Variants in OBP2B observed in about 807,000 individuals in gnomAD.
OBP2B encodes the protein odorant-binding protein 2b.
Under a neutral mutation model 21.7 loss-of-function variants are expected in OBP2B, and 10 were observed. The ratio of observed to expected loss-of-function variants is 0.46; its 90% CI spans 0.28 to 0.78. The LOEUF is 0.78. OBP2B is among the 30% of genes least tolerant of loss of function. The probability of loss-of-function intolerance (pLI) is 0.11; values close to 1 mark genes in which losing one functional copy is unlikely to be tolerated. For missense variants in OBP2B, 153 were observed against 217.7 expected (o/e 0.70, Z 1.87); for synonymous variants, 73 against 91.5 (o/e 0.80, Z 1.16).
chr9:133,206,046 G>A (rs1477091790), intron 5 of OBP2B, 106 bp from the exon 6 acceptor site: 2 of 1,509,950 alleles, frequency 1.3e-6, no homozygotes, highest in African/African-American at 2.7e-5. Context: ...GCAGCCCAGA[G>A]CGCGGAGCCC....
At chr9:133,208,373 C>G (rs1833812847) in intron 2 of OBP2B, 96 bp downstream of exon 2, 1 of 1,600,734 alleles carries the variant, frequency 6.2e-7, no homozygotes, top group Non-Finnish European at 8.5e-7. Flanking sequence ...GTGACTCTTC[C>G]CAACACCCGA....
At position 133,206,800 on chromosome 9, in the gene OBP2B, A is replaced by C. The variant is rs186978597; in HGVS notation, c.389-384T>G. On this transcript the variant is annotated intron_variant, in intron 4 of 6. Transcript: ENST00000372034. Reference sequence around the variant, plus strand: ...GACAGTGGCGGGGACTCTCCAAGCCACTCGGCAACCCCAGGGGACCTGGGC... The same window carrying C: ...GACAGTGGCGGGGACTCTCCAAGCCCCTCGGCAACCCCAGGGGACCTGGGC... 8.8e-3 allele frequency among the ~76,000 whole-genome samples: 1,335 copies of C among 151,892 alleles called. 14 individuals carry two copies. The highest frequency in any genetic ancestry group is 0.026 in the African/African-American group (1,060 of 41,412).
chr9:133,218,448 C>G, the OBP2B span, among the ~76,000 whole-genome samples: 4,939 of 152,258 alleles, frequency 0.032, 153 homozygotes, highest in African/African-American at 0.075. Flanking sequence ...CTGCATTGAG[C>G]ACAGATTTGG....
chr9:133,221,366 G>A, the OBP2B span, among the ~76,000 whole-genome samples: 2 of 152,292 alleles, frequency 1.3e-5, no homozygotes, highest in Non-Finnish European at 2.9e-5. Context: ...GTCTACAGGC[G>A]CGTGTGCAGA....
chr9:133,206,048 G>T (rs1193619140), intron 5 of OBP2B, 108 bp from the exon 6 acceptor site: 1 of 1,485,310 alleles, frequency 6.7e-7, no homozygotes, highest in African/African-American at 1.4e-5. Flanking sequence ...AGCCCAGAGC[G>T]CGGAGCCCCA....
intron 3 of OBP2B, chr9:133,207,907 G>A (rs1470627865): frequency 2.0e-6 from 3 of 1,532,558 alleles, no homozygotes; most frequent in Admixed American, 3.9e-5. Flanking sequence ...GCCTCCCAGA[G>A]GGCAGGCGTG....
Position 133,206,673 on chromosome 9 carries a change from G to A in OBP2B, c.389-257C>T, listed in dbSNP as rs202035803. The stretch of plus-strand genomic sequence containing the variant: ...GAAGAGATGGCCATAGCCCAGCACC[G>A]GACAAGCAGGAGAGGAGACTTGAGA... On this transcript the variant is annotated intron_variant, in intron 4 of 6. Coordinates refer to ENST00000372034, the MANE Select transcript of OBP2B (RefSeq NM_014581.4). Among the ~76,000 whole-genome samples the A allele has an allele frequency of 2.6e-3, 389 of 149,832 alleles. 3 individuals are homozygous for A. Among genetic ancestry groups the A allele is most frequent in the East Asian group, 0.012 (63 of 5,054 alleles).
chr9:133,209,398 C>G, upstream of OBP2B: 1 of 793,360 alleles, frequency 1.3e-6, no homozygotes, highest in East Asian at 2.7e-5. This position sits in a 1 kb window ranked among gnomAD's most constrained non-coding sequence, Gnocchi z 6.0. Context: ...TGGTGAACAG[C>G]AAGTCAGTGC....
At chr9:133,207,877 T>A (rs1833790182) in intron 3 of OBP2B, 6 of 1,524,394 alleles carry the variant, frequency 3.9e-6, no homozygotes, top group Non-Finnish European at 4.4e-6. Flanking sequence ...CTCAGCTTCC[T>A]CAATGTGTCA....
chr9:133,213,100 C>A (rs1364812724), upstream of OBP2B, among the ~76,000 whole-genome samples: 1 of 151,858 alleles, frequency 6.6e-6, no homozygotes, highest in Non-Finnish European at 1.5e-5. Flanking sequence ...AATTGCTGGG[C>A]ATGGTGGCGT....
the OBP2B span, among the ~76,000 whole-genome samples, chr9:133,216,286 TAG>T: frequency 6.6e-6 from 1 of 150,762 alleles, no homozygotes; most frequent in Non-Finnish European, 1.5e-5. Flanking sequence ...GACACTTGAC[TAG>T]AGAGGATATA....
chr9:133,205,610 G>T, intron 6 of OBP2B, 199 bp from the exon 7 acceptor site: 1 of 605,436 alleles, frequency 1.7e-6, no homozygotes. Flanking sequence ...GGAGTGGACC[G>T]CGTGGGGACA....
At position 133,209,002 on chromosome 9, in the gene OBP2B, C is replaced by T; in HGVS notation, c.72+126G>A. On this transcript the variant is annotated intron_variant, in intron 1 of 6. Coordinates refer to ENST00000372034, the MANE Select transcript of OBP2B (RefSeq NM_014581.4). This position sits in a 1 kb window ranked among gnomAD's most constrained non-coding sequence, Gnocchi z 6.0. ...AACAATAGGACCCCTCCACCACCAC[C>T]CCAGGCTGGGAGCACGGGGTCAGAA... 1 of 941,868 alleles carries T rather than the reference C, an allele frequency of 1.1e-6. No individual in the cohort carries two copies. The highest frequency in any genetic ancestry group is 2.8e-5 in the Admixed American group (1 of 36,072). The allele number at this position is 941,868 out of a possible 1,614,324, so 58.3% of individuals were successfully genotyped here.
In OBP2B at chr9:133,208,279, C is replaced by G. The variant is rs554878022; in HGVS notation, c.207-76G>C. 987 of 1,605,618 alleles carry G rather than the reference C, an allele frequency of 6.1e-4. 1 individual carries two copies. In the African/African-American group the frequency reaches 0.012, roughly 19 times the overall value. On this transcript the variant is annotated intron_variant, in intron 2 of 6. Transcript: ENST00000372034. ...ATCCTCAGCTCACCTGGTGCATGGC[C>G]CTGACCCGGCAACCTGAAAATTCCA... is the stretch of plus-strand genomic sequence containing the variant.
upstream of OBP2B, among the ~76,000 whole-genome samples, chr9:133,212,427 A>T (rs1833925128): frequency 6.6e-6 from 1 of 152,242 alleles, no homozygotes; most frequent in African/African-American, 2.4e-5. Flanking sequence ...ATCCTGGATG[A>T]GAAAATGAGC....
upstream of OBP2B, among the ~76,000 whole-genome samples, chr9:133,212,394 G>C (rs1259078933): frequency 1.3e-5 from 2 of 152,154 alleles, no homozygotes; most frequent in Non-Finnish European, 2.9e-5. Context: ...AAGTGCACCA[G>C]AATATATACC....
chr9:133,208,920 A>G (rs1833842273), intron 1 of OBP2B, among the ~76,000 whole-genome samples: 1 of 151,616 alleles, frequency 6.6e-6, no homozygotes, highest in Non-Finnish European at 1.5e-5. Context: ...TGCAGCAGGA[A>G]CCCCTGAGAC....
chr9:133,211,447 T>G (rs1429933948), upstream of OBP2B, among the ~76,000 whole-genome samples: 1 of 152,228 alleles, frequency 6.6e-6, no homozygotes, highest in East Asian at 1.9e-4. Flanking sequence ...GCCACAGTTG[T>G]AGATCGTTCC....
At chr9:133,222,398 A>C in the OBP2B span, among the ~76,000 whole-genome samples, 134 of 152,320 alleles carry the variant, frequency 8.8e-4, no homozygotes, top group Non-Finnish European at 1.0e-3. Context: ...TTCCTCTGCC[A>C]CTTTGAGAAG....
Sources: gnomAD v4.1 joint callset for allele counts (sites outside exome capture counted in the v4.1 genomes callset) on GRCh38, gnomAD v4.1.1 for gene constraint, Gnocchi (gnomAD v3.1) non-coding constraint, MANE v1.5 for transcripts, NCBI Gene and HGNC (gene_info 2026-07-23, HGNC 2026-07-21) for gene names.